Variants in KSR2 observed in about 807,000 individuals in gnomAD.
KSR2 encodes kinase suppressor of ras 2.
Under a neutral mutation model 107.8 loss-of-function variants are expected in KSR2, and 25 were observed. That is an observed-to-expected ratio of 0.23 (90% CI 0.17 to 0.32). KSR2 has a LOEUF of 0.32. KSR2 is among the 10% of genes least tolerant of loss of function. The pLI is 1.00. For missense variants in KSR2, 887 were observed against 1,268.9 expected, an observed-to-expected ratio of 0.70 and a Z score of 4.57; for synonymous variants, 480 against 507.0, an observed-to-expected ratio of 0.95 and a Z score of 0.71.
chr12:117,612,437 T>C (rs1305225198), intron 5 of KSR2, among the ~76,000 whole-genome samples: 1 of 152,060 alleles, frequency 6.6e-6, no homozygotes, highest in Non-Finnish European at 1.5e-5. Context: ...ATGTTATGTA[T>C]ATTTCATCAT....
chr12:117,755,648 C>T (rs1397344927), intron 4 of KSR2, among the ~76,000 whole-genome samples: 1 of 152,168 alleles, frequency 6.6e-6, no homozygotes, highest in African/African-American at 2.4e-5. Context: ...TGATTAATAA[C>T]CCAACAATAG....
chr12:117,553,105 TAA>T (rs1214714949), intron 9 of KSR2, among the ~76,000 whole-genome samples: 18 of 152,184 alleles, frequency 1.2e-4, no homozygotes, highest in African/African-American at 4.1e-4. Context: ...TCAGAGAGAT[TAA>T]GTTACTTGCT....
intron 5 of KSR2, among the ~76,000 whole-genome samples, chr12:117,622,148 A>G (rs989375414): frequency 1.3e-5 from 2 of 152,076 alleles, no homozygotes; most frequent in African/African-American, 4.8e-5. Flanking sequence ...GTGACTCCCA[A>G]TGTGACTTTA....
intron 9 of KSR2, among the ~76,000 whole-genome samples, chr12:117,540,854 A>C (rs1179826795): frequency 6.6e-6 from 1 of 152,142 alleles, no homozygotes; most frequent in East Asian, 1.9e-4. Context: ...TGTGAGAATA[A>C]ATTTCTGTTG....
At chr12:117,855,317 G>C in intron 3 of KSR2, 111 bp downstream of exon 3, 1 of 1,439,418 alleles carries the variant, frequency 6.9e-7, no homozygotes, top group Admixed American at 1.9e-5. Context: ...TTGCCCCCCA[G>C]GGTTGACTCT....
At chr12:117,918,874 G>T (rs1895261726) in intron 1 of KSR2, among the ~76,000 whole-genome samples, 1 of 152,174 alleles carries the variant, frequency 6.6e-6, no homozygotes, top group Non-Finnish European at 1.5e-5. Flanking sequence ...GGAGACCAAG[G>T]TGGGAGGATT....
At chr12:117,826,852 A>G (rs1176069926) in intron 3 of KSR2, among the ~76,000 whole-genome samples, 1 of 152,022 alleles carries the variant, frequency 6.6e-6, no homozygotes, top group African/African-American at 2.4e-5. Flanking sequence ...TGGGAGGCCA[A>G]GGTGGGCAGA....
intron 5 of KSR2, among the ~76,000 whole-genome samples, chr12:117,593,999 G>T (rs1214581099): frequency 6.6e-6 from 1 of 152,274 alleles, no homozygotes; most frequent in East Asian, 1.9e-4. Flanking sequence ...TGTGATGGAT[G>T]GGTCTTAAGT....
intron 18 of KSR2, among the ~76,000 whole-genome samples, 197 bp downstream of exon 18, chr12:117,470,994 G>A (rs113358155): frequency 3.9e-5 from 6 of 152,178 alleles, no homozygotes; most frequent in African/African-American, 1.4e-4. Context: ...CTGGTGGCAG[G>A]TACCTGAAAT....
chr12:117,792,359 A>G lies in KSR2; in HGVS notation c.473-30835T>C, dbSNP rs562033556. On this transcript the variant is annotated intron_variant, in intron 3 of 19. Transcript: ENST00000339824. ...AGTGAGACACTGTCTTTAAAAAAAA[A>G]AAGAAGAAGAAGAAGAATTGCAGTT... Among the ~76,000 whole-genome samples, 255 of 151,848 alleles carry G rather than the reference A, an allele frequency of 1.7e-3. 2 individuals are homozygous for G. The highest frequency in any genetic ancestry group is 5.2e-3 in the African/African-American group (216 of 41,290).
intron 14 of KSR2, among the ~76,000 whole-genome samples, chr12:117,518,805 T>C (rs1398804058): frequency 6.6e-6 from 1 of 152,216 alleles, no homozygotes; most frequent in African/African-American, 2.4e-5. Flanking sequence ...CTACCTGAAC[T>C]GCTCTTTCTC....
intron 3 of KSR2, among the ~76,000 whole-genome samples, chr12:117,761,935 A>G (rs1889050027): frequency 6.6e-6 from 1 of 152,208 alleles, no homozygotes; most frequent in Non-Finnish European, 1.5e-5. Context: ...ATTACCTCTT[A>G]CAGACATTCT....
At chr12:117,692,576 T>C (rs1885878252) in intron 4 of KSR2, among the ~76,000 whole-genome samples, 1 of 145,336 alleles carries the variant, frequency 6.9e-6, no homozygotes, top group East Asian at 2.0e-4. Flanking sequence ...GAGTTGAAAA[T>C]AGGTACTTAA....
intron 3 of KSR2, among the ~76,000 whole-genome samples, chr12:117,778,806 C>T (rs139393323): frequency 1.3e-3 from 193 of 152,342 alleles, no homozygotes; most frequent in African/African-American, 4.3e-3. Context: ...ACCTCTGAGA[C>T]GCTCCTAATT....
At chr12:117,871,905 C>T (rs1320478385) in intron 1 of KSR2, among the ~76,000 whole-genome samples, 3 of 152,110 alleles carry the variant, frequency 2.0e-5, no homozygotes, top group Non-Finnish European at 4.4e-5. Flanking sequence ...AATCCTTTCA[C>T]CTCAGCCTTC....
rs377121362 is a variant in KSR2 at position 117,697,066 on chromosome 12, A to T, written c.987-29408T>A. On this transcript the variant is annotated intron_variant, in intron 4 of 19. Transcript: ENST00000339824. The stretch of plus-strand genomic sequence containing the variant: ...CAATGCGCCTTTAACCATTTTGCGG[A>T]CGCTAGTTTGGGAAGCTTCTTTGAA... 2.6e-4 allele frequency among the ~76,000 whole-genome samples: 40 copies of T among 152,286 alleles called. No homozygotes were observed. The South Asian group carries it at 7.9e-3, about 30-fold the overall frequency.
intron 1 of KSR2, among the ~76,000 whole-genome samples, chr12:117,883,010 T>C (rs1894074174): frequency 6.6e-6 from 1 of 152,018 alleles, no homozygotes; most frequent in Admixed American, 6.6e-5. Flanking sequence ...CAGTCAACCA[T>C]CCATCCATTC....
intron 1 of KSR2, among the ~76,000 whole-genome samples, chr12:117,939,270 A>C (rs1177117121): frequency 6.6e-6 from 1 of 152,248 alleles, no homozygotes; most frequent in African/African-American, 2.4e-5. Flanking sequence ...AATGTATTGA[A>C]GATGAAATGC....
At chr12:117,917,531 T>G (rs1895216032) in intron 1 of KSR2, among the ~76,000 whole-genome samples, 1 of 151,984 alleles carries the variant, frequency 6.6e-6, no homozygotes, top group South Asian at 2.1e-4. Context: ...AGATCCTGTC[T>G]CTAAAAAAAA....
Sources: gnomAD v4.1 joint callset for allele counts (sites outside exome capture counted in the v4.1 genomes callset) on GRCh38, gnomAD v4.1.1 for gene constraint, MANE v1.5 for transcripts, NCBI Gene and HGNC (gene_info 2026-07-23, HGNC 2026-07-21) for gene names.